The following RBPJ variants were observed in gnomAD, a reference collection of about 807,000 sequenced individuals.
RBPJ encodes the protein recombining binding protein suppressor of hairless.
RBPJ carries 9 observed loss-of-function variants against 67.8 expected under a neutral mutation model. That is an observed-to-expected ratio of 0.13 (90% confidence interval 0.08 to 0.23). The LOEUF is 0.23. Among genes scored for constraint, RBPJ ranks in the 10% least tolerant of loss-of-function variants. The pLI, the probability that RBPJ is intolerant of heterozygous loss-of-function variation, is 1.00. For missense variants in RBPJ, 305 were observed against 595.6 expected (o/e 0.51, Z 5.08); for synonymous variants, 198 against 203.3 (o/e 0.97, Z 0.22).
At chr4:26,425,809 A>G (rs1242863438) in intron 7 of RBPJ, among the ~76,000 whole-genome samples, 1 of 152,194 alleles carries the variant, frequency 6.6e-6, no homozygotes, top group Non-Finnish European at 1.5e-5. Flanking sequence ...GGGTGAGTAG[A>G]AGAACATTTA....
the RBPJ span, among the ~76,000 whole-genome samples, chr4:26,148,386 G>A: frequency 1.3e-5 from 2 of 152,200 alleles, no homozygotes; most frequent in Non-Finnish European, 2.9e-5. Flanking sequence ...GGTAGGAAAA[G>A]CATGTAGAAG....
intron 1 of RBPJ, among the ~76,000 whole-genome samples, chr4:26,189,792 T>A (rs2109139042): frequency 6.6e-6 from 1 of 152,360 alleles, no homozygotes; most frequent in Non-Finnish European, 1.5e-5. Flanking sequence ...ATGGAAATCT[T>A]AATAGTTCCA....
At chr4:26,265,876 A>C (rs1720689022) in intron 1 of RBPJ, among the ~76,000 whole-genome samples, 2 of 152,096 alleles carry the variant, frequency 1.3e-5, no homozygotes, top group Non-Finnish European at 2.9e-5. Flanking sequence ...TTCTCTACTA[A>C]AAATACAAAA....
At chr4:26,191,526 T>G (rs1035966024) in intron 1 of RBPJ, among the ~76,000 whole-genome samples, 2 of 151,818 alleles carry the variant, frequency 1.3e-5, no homozygotes, top group African/African-American at 4.8e-5. Context: ...TGGCAATAAT[T>G]TATTACAGTG....
intron 1 of RBPJ, among the ~76,000 whole-genome samples, chr4:26,281,268 GTT>G (rs1721264152): frequency 6.6e-6 from 1 of 151,978 alleles, no homozygotes; most frequent in Admixed American, 6.6e-5. Context: ...TCCCTCTGCA[GTT>G]TTTTTGTTTG....
chr4:26,187,468 C>T (rs1362588195), intron 1 of RBPJ, among the ~76,000 whole-genome samples: 3 of 108,598 alleles, frequency 2.8e-5, no homozygotes, highest in Admixed American at 1.8e-4. Context: ...AACATCTTCT[C>T]GAAGTAAGTA....
In RBPJ at chr4:26,354,159, C is replaced by CT. The variant is rs1302691442; in HGVS notation, c.21-32193dup. ...TGTTAGCCAGGATGGTCTCGATCTC[C>CT]TGACCTCGTGATCCACCCGCCTCGG... On this transcript the variant is annotated intron_variant, in intron 1 of 10. Transcript: ENST00000355476. Among the ~76,000 whole-genome samples the CT allele has an allele frequency of 4.0e-5, 6 of 150,964 alleles. No individual in the cohort carries two copies. The East Asian group carries it at 7.9e-4, about 20-fold the overall frequency.
intron 1 of RBPJ, among the ~76,000 whole-genome samples, chr4:26,378,170 C>G (rs968009924): frequency 6.6e-6 from 1 of 151,952 alleles, no homozygotes; most frequent in Non-Finnish European, 1.5e-5. Context: ...TTGGCTTGTT[C>G]CTTATGTTTA....
chr4:26,153,666 G>A, the RBPJ span, among the ~76,000 whole-genome samples: 1 of 152,146 alleles, frequency 6.6e-6, no homozygotes. Flanking sequence ...TTCTTGTTCT[G>A]TTATGAAGGC....
the RBPJ span, chr4:26,112,127 A>G: frequency 6.5e-6 from 1 of 153,238 alleles, no homozygotes; most frequent in African/African-American, 2.4e-5. Context: ...ATGACCTGTC[A>G]GAGAGCAGCC....
chr4:26,349,822 G>A, intron 1 of RBPJ, among the ~76,000 whole-genome samples: 1 of 152,342 alleles, frequency 6.6e-6, no homozygotes, highest in South Asian at 2.1e-4. Context: ...TACATCGGCA[G>A]TACTTTGTGC....
At chr4:26,242,291 CA>C (rs1719665944) in intron 1 of RBPJ, among the ~76,000 whole-genome samples, 2 of 151,886 alleles carry the variant, frequency 1.3e-5, no homozygotes, top group Non-Finnish European at 2.9e-5. Flanking sequence ...ACTAAAAATA[CA>C]AACAAATTAG....
intron 1 of RBPJ, among the ~76,000 whole-genome samples, chr4:26,313,075 AC>A (rs1167592216): frequency 6.6e-6 from 1 of 152,188 alleles, no homozygotes; most frequent in African/African-American, 2.4e-5. Context: ...GGCATATGCC[AC>A]CATGCCCAGC....
intron 1 of RBPJ, among the ~76,000 whole-genome samples, chr4:26,185,210 AG>A (rs2109133805): frequency 6.7e-6 from 1 of 149,516 alleles, no homozygotes; most frequent in East Asian, 2.0e-4. Flanking sequence ...TTTTCCAAGA[AG>A]GGCTTGTATT....
chr4:26,351,370 TG>T (rs1726782801), intron 1 of RBPJ, among the ~76,000 whole-genome samples: 1 of 151,680 alleles, frequency 6.6e-6, no homozygotes, highest in Non-Finnish European at 1.5e-5. Context: ...AGGCATCACT[TG>T]AGAGAATTTT....
the RBPJ span, among the ~76,000 whole-genome samples, chr4:26,158,395 CCTTCGGATAAATTGCATTTACCCT>C: frequency 2.6e-5 from 4 of 152,182 alleles, no homozygotes; most frequent in African/African-American, 9.7e-5. Context: ...TCCCTGGTAT[CCTTCGGATAAATTGCATTTACCCT>C]CAAGATAGCT....
At chr4:26,333,531 C>A (rs567242791) in intron 1 of RBPJ, among the ~76,000 whole-genome samples, 10 of 152,044 alleles carry the variant, frequency 6.6e-5, no homozygotes, top group South Asian at 6.2e-4. Flanking sequence ...TTTTGTATTT[C>A]ATTTTTAAAA....
intron 1 of RBPJ, among the ~76,000 whole-genome samples, chr4:26,310,874 T>G (rs1300718873): frequency 1.3e-5 from 2 of 152,086 alleles, no homozygotes; most frequent in Non-Finnish European, 2.9e-5. Context: ...TTCCCCATGT[T>G]GGCCAGGCTT....
intron 1 of RBPJ, among the ~76,000 whole-genome samples, chr4:26,362,092 G>A (rs1728123544): frequency 6.6e-6 from 1 of 152,198 alleles, no homozygotes; most frequent in Admixed American, 6.5e-5. Flanking sequence ...TTAGACAGGT[G>A]TACAGGTGAT....
Sources: allele counts gnomAD v4.1 joint callset (sites outside exome capture counted in the v4.1 genomes callset), GRCh38; gene constraint gnomAD v4.1.1; transcripts MANE v1.5; gene names NCBI Gene and HGNC (gene_info 2026-07-23, HGNC 2026-07-21).